The following RBBP7 variants were observed in gnomAD, a reference collection of about 807,000 sequenced individuals.
The protein encoded by RBBP7 is RB binding protein 7, chromatin remodeling factor.
RBBP7 carries 5 observed loss-of-function variants against 35.2 expected under a neutral mutation model. The observed-to-expected ratio is 0.14, with a 90% CI of 0.07 to 0.30. The LOEUF (loss-of-function observed/expected upper bound fraction) is 0.30, where lower values mean the gene tolerates loss of function less well. Among genes scored for constraint, RBBP7 ranks in the 10% least tolerant of loss-of-function variants. RBBP7 has a pLI of 1.00. For synonymous variants in RBBP7, 140 were observed against 118.7 expected, an observed-to-expected ratio of 1.18 and a Z score of -1.17; for missense variants, 155 against 327.5, an observed-to-expected ratio of 0.47 and a Z score of 4.07.
In RBBP7 at chrX:16,869,532, C is replaced by G; in HGVS notation, c.17-312G>C. 8.6e-7 allele frequency: 1 copy of G among 1,166,387 alleles called. No individual in the cohort carries two copies. The highest frequency in any genetic ancestry group is 1.1e-6 in the Non-Finnish European group (1 of 872,608). Reference sequence around the variant, plus strand: ...ACGACCTGTACGTACAGGGGCTGCGCGACCCAGTCGGGAAGACAAATGCAC... The same window carrying G: ...ACGACCTGTACGTACAGGGGCTGCGGGACCCAGTCGGGAAGACAAATGCAC... On this transcript the variant is annotated intron_variant, in intron 1 of 11. Transcript: ENST00000380087.
chrX:16,870,239 C>A lies in RBBP7; in HGVS notation c.-186G>T. The A allele has an allele frequency of 1.7e-6, 1 of 586,359 alleles. No individual in the cohort carries two copies. The highest frequency in any genetic ancestry group is 2.1e-6 in the Non-Finnish European group (1 of 465,885). The allele number at this position is 586,359 out of a possible 1,213,427, so 48.3% of individuals were successfully genotyped here. Reference sequence around the variant, plus strand: ...GTCCTTCTTTCCTGCCTCCTCCCCGCTCGCGGGTACCGAGGTCTGAGGCGC... The same window carrying A: ...GTCCTTCTTTCCTGCCTCCTCCCCGATCGCGGGTACCGAGGTCTGAGGCGC... On this transcript the variant is annotated 5_prime_UTR_variant, in exon 1 of 12. Coordinates refer to ENST00000380087, the MANE Select transcript of RBBP7 (RefSeq NM_002893.4).
In RBBP7 at chrX:16,845,032, G is replaced by A; in HGVS notation, c.*3C>T. The A allele has an allele frequency of 8.3e-7, 1 of 1,199,613 alleles. No homozygotes were observed. Among genetic ancestry groups the A allele is most frequent in the South Asian group, 1.8e-5 (1 of 56,052 alleles). ...CAACAGAAACATTTCTCGTACTTTGGGTTTAAGATCCTTGTCCCTCCAGTT... is the reference window on the plus strand; with the variant it reads ...CAACAGAAACATTTCTCGTACTTTGAGTTTAAGATCCTTGTCCCTCCAGTT... On this transcript the variant is annotated 3_prime_UTR_variant, in exon 12 of 12. Transcript: ENST00000380087.
chrX:16,853,580 G>T, intron 6 of RBBP7, 102 bp downstream of exon 6: 1 of 816,707 alleles, frequency 1.2e-6, no homozygotes, highest in Non-Finnish European at 1.6e-6. Context: ...GTTTTTTAAA[G>T]CCATAACTTA....
intron 10 of RBBP7, chrX:16,848,803 T>TGG (rs1930146847): frequency 8.8e-6 from 1 of 113,173 alleles, no homozygotes; most frequent in Admixed American, 9.4e-5. Context: ...GATGCTTCAA[T>TGG]CAGGCATGGG....
At chrX:16,854,290 A>C (rs1361769875) in intron 5 of RBBP7, among the ~76,000 whole-genome samples, 2 of 111,600 alleles carry the variant, frequency 1.8e-5, no homozygotes, top group African/African-American at 6.5e-5. Flanking sequence ...AAATATAAGC[A>C]AACAGAAGAG....
chrX:16,864,826 A>G (rs1265407241), intron 2 of RBBP7, among the ~76,000 whole-genome samples: 2 of 110,191 alleles, frequency 1.8e-5, no homozygotes, highest in African/African-American at 6.6e-5. Flanking sequence ...GTGCCACCAT[A>G]TCTGGCTTGC....
At chrX:16,869,981 T>TCGCGCGCCCGCCGCCCCCCGCGGCCCCGG (rs1930740201) in intron 1 of RBBP7, 57 bp downstream of exon 1, 1 of 749,344 alleles carries the variant, frequency 1.3e-6, no homozygotes, top group African/African-American at 2.4e-5. Flanking sequence ...TGCCGCGGCC[T>TCGCGCGCCCGCCGCCCCCCGCGGCCCCGG]CGCGCGCCCG....
intron 2 of RBBP7, among the ~76,000 whole-genome samples, chrX:16,865,298 AAAG>A (rs1168472011): frequency 1.8e-5 from 2 of 111,519 alleles, no homozygotes; most frequent in Non-Finnish European, 3.8e-5. Context: ...TGCTTGAGAG[AAAG>A]AAGGCACCAC....
At chrX:16,850,743 G>C (rs1036711233) in intron 9 of RBBP7, among the ~76,000 whole-genome samples, 1 of 111,723 alleles carries the variant, frequency 9.0e-6, no homozygotes, top group African/African-American at 3.3e-5. Context: ...TATATAGGTT[G>C]AGCATCCCAA....
Position 16,869,057 on chromosome X carries a change from A to T in RBBP7, c.161+19T>A, listed in dbSNP as rs199960531. Reference sequence around the variant, plus strand: ...GACAGTTAAATTTAAACAAAATAAAAGTTGCCAGAAACCCTTACTTAGTCA... The same window carrying T: ...GACAGTTAAATTTAAACAAAATAAATGTTGCCAGAAACCCTTACTTAGTCA... On this transcript the variant is annotated intron_variant, in intron 2 of 11. Transcript: ENST00000380087. 1.7e-6 allele frequency: 2 copies of T among 1,185,839 alleles called. No homozygotes were observed.
At chrX:16,862,410 AATACCC>A (rs917622589) in intron 3 of RBBP7, among the ~76,000 whole-genome samples, 5 of 111,659 alleles carry the variant, frequency 4.5e-5, no homozygotes, top group African/African-American at 1.3e-4. Context: ...TCAAACAAAA[AATACCC>A]ATTGCACACA....
chrX:16,858,928 A>G, intron 3 of RBBP7, 79 bp from the exon 4 acceptor site: 6 of 1,146,138 alleles, frequency 5.2e-6, no homozygotes, highest in Non-Finnish European at 7.0e-6. Context: ...TCAACCTAAC[A>G]GATTTTGACC....
At chrX:16,864,542 A>AAAAAG (rs1930557625) in intron 2 of RBBP7, among the ~76,000 whole-genome samples, 2 of 40,709 alleles carry the variant, frequency 4.9e-5, no homozygotes, top group African/African-American at 2.1e-4. Context: ...AAAAAAAAAA[A>AAAAAG]AAAAAGAAAA....
At chrX:16,849,416 C>A (rs1417030879) in intron 9 of RBBP7, 115 bp from the exon 10 acceptor site, 20 of 634,384 alleles carry the variant, frequency 3.2e-5, no homozygotes, top group Non-Finnish European at 4.1e-5. Flanking sequence ...CTCACAAAAA[C>A]AACTTATTTC....
intron 4 of RBBP7, 111 bp from the exon 5 acceptor site, chrX:16,857,820 T>G (rs1314940223): frequency 1.1e-5 from 12 of 1,056,033 alleles, no homozygotes; most frequent in Non-Finnish European, 1.5e-5. Context: ...ACGAACGAGA[T>G]CTGGTCTTTA....
At chrX:16,854,010 G>T (rs1455391292) in intron 5 of RBBP7, among the ~76,000 whole-genome samples, 168 bp from the exon 6 acceptor site, 1 of 109,965 alleles carries the variant, frequency 9.1e-6, no homozygotes, top group African/African-American at 3.3e-5. Flanking sequence ...AGCCTCCTGA[G>T]CTGGGATTAC....
At chrX:16,868,270 G>A (rs891041415) in intron 2 of RBBP7, among the ~76,000 whole-genome samples, 3 of 111,844 alleles carry the variant, frequency 2.7e-5, no homozygotes, top group Non-Finnish European at 5.6e-5. Context: ...CACTTTAAAA[G>A]TACATGGTCA....
intron 2 of RBBP7, among the ~76,000 whole-genome samples, chrX:16,868,741 C>T (rs779066022): frequency 8.9e-6 from 1 of 112,212 alleles, no homozygotes; most frequent in Non-Finnish European, 1.9e-5. Context: ...TGAACTTTTC[C>T]GTAAATATTC....
Position 16,858,664 on chromosome X carries a change from A to C in RBBP7, c.481+12T>G. The C allele has an allele frequency of 2.5e-6, 3 of 1,207,856 alleles. No homozygotes were observed. Among genetic ancestry groups the C allele is most frequent in the Non-Finnish European group, 3.4e-6 (3 of 893,054 alleles). On this transcript the variant is annotated intron_variant, in intron 4 of 11. Coordinates refer to ENST00000380087, the MANE Select transcript of RBBP7 (RefSeq NM_002893.4). Reference sequence around the variant, plus strand: ...ACTGCTCAAGTAATGACCTAACTCTATTATTACATACCTGGTTTAGCAGGG... The same window carrying C: ...ACTGCTCAAGTAATGACCTAACTCTCTTATTACATACCTGGTTTAGCAGGG...
Sources: gnomAD v4.1 joint callset for allele counts (sites outside exome capture counted in the v4.1 genomes callset) on GRCh38, gnomAD v4.1.1 for gene constraint, MANE v1.5 for transcripts, NCBI Gene and HGNC (gene_info 2026-07-23, HGNC 2026-07-21) for gene names.